AMMECR1: variants seen among roughly 807,000 people sequenced by gnomAD.
AMMECR1 encodes nuclear protein AMMECR1.
In AMMECR1, 3 loss-of-function variants were observed where a neutral mutation model predicts 22.5. The ratio of observed to expected loss-of-function variants is 0.13; its 90% CI spans 0.06 to 0.35. The LOEUF (loss-of-function observed/expected upper bound fraction) is 0.35, where lower values mean the gene tolerates loss of function less well. AMMECR1 is among the 10% of genes least tolerant of loss of function. The probability of loss-of-function intolerance (pLI) is 1.00; values close to 1 mark genes in which losing one functional copy is unlikely to be tolerated. For synonymous variants in AMMECR1, 130 were observed against 116.7 expected, an observed-to-expected ratio of 1.11 and a Z score of -0.74; for missense variants, 235 against 278.7, an observed-to-expected ratio of 0.84 and a Z score of 1.12.
intron 1 of AMMECR1, among the ~76,000 whole-genome samples, chrX:110,299,862 A>G (rs2067956784): frequency 8.9e-6 from 1 of 112,279 alleles, no homozygotes; most frequent in Admixed American, 9.4e-5. Flanking sequence ...CATGTTTTGC[A>G]AATGGCAGGA....
chrX:110,402,672 T>C (rs1428809027), intron 2 of AMMECR1, among the ~76,000 whole-genome samples: 1 of 112,569 alleles, frequency 8.9e-6, no homozygotes, highest in Non-Finnish European at 1.9e-5. Context: ...CCTGAAATGA[T>C]GTGGGCTTGG....
At chrX:110,413,478 C>A (rs2068655668) in intron 2 of AMMECR1, among the ~76,000 whole-genome samples, 1 of 110,313 alleles carries the variant, frequency 9.1e-6, no homozygotes, top group Non-Finnish European at 1.9e-5. Context: ...CTTCTCTCCT[C>A]GTTGACGCTT....
At chrX:110,280,027 A>T (rs2148206987) in intron 1 of AMMECR1, among the ~76,000 whole-genome samples, 1 of 112,175 alleles carries the variant, frequency 8.9e-6, no homozygotes, top group African/African-American at 3.2e-5. Flanking sequence ...TACTAAAAAT[A>T]GCCAATTTTT....
Position 110,428,528 on chromosome X carries a change from GC to G in AMMECR1, c.-293-1726del, listed in dbSNP as rs1212228325. Among the ~76,000 whole-genome samples the G allele has an allele frequency of 3.3e-4, 37 of 111,045 alleles. No homozygotes were observed. The Admixed American group carries it at 3.4e-3, about 10-fold the overall frequency. On this transcript the variant is annotated intron_variant, in intron 1 of 7. Coordinates refer to the AMMECR1 transcript ENST00000372057. ...ATCATCAGCCACTATTTCTGTCCAGGCCCCCGTTGCTTTATTGCAATAGCCT... is the reference window on the plus strand; with the variant it reads ...ATCATCAGCCACTATTTCTGTCCAGGCCCCGTTGCTTTATTGCAATAGCCT...
At chrX:110,241,658 C>T (rs1000925996) in intron 2 of AMMECR1, among the ~76,000 whole-genome samples, 45 of 103,912 alleles carry the variant, frequency 4.3e-4, no homozygotes, top group African/African-American at 1.4e-3. Context: ...CAGGGCCTGT[C>T]GGGGGGTGGG....
chrX:110,406,796 T>G (rs752710784), intron 2 of AMMECR1, among the ~76,000 whole-genome samples: 4 of 112,339 alleles, frequency 3.6e-5, no homozygotes, highest in African/African-American at 9.7e-5. Flanking sequence ...TCATAGTGCC[T>G]GGCATGTAGT....
intron 2 of AMMECR1, among the ~76,000 whole-genome samples, chrX:110,384,524 G>A (rs1459359977): frequency 9.0e-6 from 1 of 111,649 alleles, no homozygotes; most frequent in African/African-American, 3.3e-5. Flanking sequence ...GTATCCCTTT[G>A]CATTTAACTT....
At chrX:110,202,254 T>C (rs1189441078) in intron 4 of AMMECR1, among the ~76,000 whole-genome samples, 192 bp downstream of exon 4, 1 of 112,490 alleles carries the variant, frequency 8.9e-6, no homozygotes, top group Non-Finnish European at 1.9e-5. Context: ...CAAACTTCAA[T>C]GCAGGGATTC....
chrX:110,235,241 C>G (rs2067593923), intron 2 of AMMECR1, among the ~76,000 whole-genome samples: 1 of 112,455 alleles, frequency 8.9e-6, no homozygotes, highest in Non-Finnish European at 1.9e-5. Context: ...TGCTTATCAT[C>G]ACTGGTCATC....
At chrX:110,435,754 C>T (rs913156337) in intron 1 of AMMECR1, among the ~76,000 whole-genome samples, 2 of 112,130 alleles carry the variant, frequency 1.8e-5, no homozygotes, top group Admixed American at 9.5e-5. Context: ...ATTTTACACT[C>T]ATCATCTCAT....
At chrX:110,343,096 A>T (rs1342076495) in intron 2 of AMMECR1, among the ~76,000 whole-genome samples, 1 of 111,967 alleles carries the variant, frequency 8.9e-6, no homozygotes, top group African/African-American at 3.3e-5. Context: ...ATCCTCAATA[A>T]AACACTGGCA....
chrX:110,274,255 G>A (rs1301370007), intron 1 of AMMECR1, among the ~76,000 whole-genome samples: 1 of 112,076 alleles, frequency 8.9e-6, no homozygotes, highest in East Asian at 2.8e-4. Context: ...ATAAGTGTCA[G>A]TTAGGTCCAG....
intron 2 of AMMECR1, among the ~76,000 whole-genome samples, chrX:110,222,028 G>T (rs896669996): frequency 4.5e-5 from 5 of 110,820 alleles, no homozygotes; most frequent in Non-Finnish European, 7.6e-5. Flanking sequence ...CATTGTGGAA[G>T]TCGGTGTGGC....
intron 2 of AMMECR1, among the ~76,000 whole-genome samples, chrX:110,410,946 G>C (rs1319345347): frequency 8.9e-6 from 1 of 112,075 alleles, no homozygotes; most frequent in Admixed American, 9.4e-5. Flanking sequence ...TTTAAAATTA[G>C]GCACTTCCTA....
intron 2 of AMMECR1, among the ~76,000 whole-genome samples, chrX:110,222,832 A>G (rs2067511366): frequency 9.0e-6 from 1 of 110,826 alleles, no homozygotes; most frequent in South Asian, 3.8e-4. Flanking sequence ...GAGATAAAGG[A>G]TAACAGGTTC....
intron 3 of AMMECR1, among the ~76,000 whole-genome samples, chrX:110,205,915 G>A (rs1354078342): frequency 8.9e-6 from 1 of 112,271 alleles, no homozygotes; most frequent in Non-Finnish European, 1.9e-5. Flanking sequence ...CATATTTCAT[G>A]CTAAAAAGAA....
intron 2 of AMMECR1, among the ~76,000 whole-genome samples, chrX:110,392,272 G>GTTT (rs377409601): frequency 1.4e-4 from 12 of 85,039 alleles, no homozygotes; most frequent in African/African-American, 3.7e-4. Flanking sequence ...TCTACCACAG[G>GTTT]TTTTTTTTTT....
intron 2 of AMMECR1, among the ~76,000 whole-genome samples, chrX:110,405,858 G>A (rs1183132067): frequency 9.0e-6 from 1 of 111,621 alleles, no homozygotes. Flanking sequence ...ACCATGGTGT[G>A]CAAGTCCTTG....
chrX:110,335,928 A>G (rs1019764524), intron 2 of AMMECR1, among the ~76,000 whole-genome samples: 1 of 112,040 alleles, frequency 8.9e-6, no homozygotes, highest in African/African-American at 3.2e-5. Context: ...GAGTGCTATA[A>G]GAAAAGTAAA....
Sources: gnomAD v4.1 joint callset for allele counts (sites outside exome capture counted in the v4.1 genomes callset) on GRCh38, gnomAD v4.1.1 for gene constraint, MANE v1.5 for transcripts, NCBI Gene and HGNC (gene_info 2026-07-23, HGNC 2026-07-21) for gene names.